Variants in SYNE1 observed in about 807,000 individuals in gnomAD.
SYNE1 encodes the protein spectrin repeat containing nuclear envelope protein 1.
In SYNE1, 616 loss-of-function variants were observed where a neutral mutation model predicts 1,111.0. That is an observed-to-expected ratio of 0.55 (90% confidence interval 0.52 to 0.59). The LOEUF (loss-of-function observed/expected upper bound fraction) is 0.59, where lower values mean the gene tolerates loss of function less well. SYNE1 is among the 20% of genes least tolerant of loss of function. SYNE1 has a pLI of 0.00. For missense variants in SYNE1, 10,006 were observed against 10,417.0 expected (o/e 0.96, Z 1.72); for synonymous variants, 3,855 against 3,825.8 (o/e 1.01, Z -0.28).
At chr6:152,296,742 G>A (rs748462611) in intron 93 of SYNE1, among the ~76,000 whole-genome samples, 5 of 152,310 alleles carry the variant, frequency 3.3e-5, no homozygotes, top group South Asian at 4.1e-4. Flanking sequence ...ATTCACATTC[G>A]TAGCTTGTTT....
chr6:152,182,467 G>C (rs567759854), intron 128 of SYNE1, among the ~76,000 whole-genome samples: 8 of 152,210 alleles, frequency 5.3e-5, no homozygotes, highest in African/African-American at 1.9e-4. Flanking sequence ...TGAAGGAATT[G>C]GATGGTAAGC....
chr6:152,154,048 A>C (rs2060910067), intron 133 of SYNE1, among the ~76,000 whole-genome samples: 1 of 152,202 alleles, frequency 6.6e-6, no homozygotes, highest in Non-Finnish European at 1.5e-5. Context: ...CATAATTAGC[A>C]ATGGTCAGAA....
chr6:152,432,671 G>A (rs189808646), intron 34 of SYNE1, among the ~76,000 whole-genome samples: 35 of 152,148 alleles, frequency 2.3e-4, no homozygotes, highest in Admixed American at 6.6e-4. Flanking sequence ...AAATAAATAC[G>A]TTGAAAAATG....
At chr6:152,465,117 G>C in intron 18 of SYNE1, 141 bp downstream of exon 18, 1 of 909,552 alleles carries the variant, frequency 1.1e-6, no homozygotes, top group African/African-American at 1.6e-5. Flanking sequence ...TTGCTAACCT[G>C]AAAGTGCAAC....
intron 106 of SYNE1, among the ~76,000 whole-genome samples, chr6:152,244,005 T>C (rs1436282932): frequency 1.3e-5 from 2 of 152,350 alleles, no homozygotes; most frequent in African/African-American, 4.8e-5. Context: ...TGTTTAGATT[T>C]CAACTACCTT....
chr6:152,532,211 C>G (rs1247048473), intron 4 of SYNE1, among the ~76,000 whole-genome samples: 1 of 152,174 alleles, frequency 6.6e-6, no homozygotes, highest in Non-Finnish European at 1.5e-5. Context: ...TGACCAATAT[C>G]ATGCAGCTAT....
chr6:152,161,593 T>C (rs113098406), intron 131 of SYNE1, among the ~76,000 whole-genome samples: 7,032 of 152,204 alleles, frequency 0.046, 255 homozygotes, highest in Non-Finnish European at 0.068. Context: ...TACAATGTGT[T>C]TCCTCTGATT....
chr6:152,318,083 G>C lies in SYNE1; in HGVS notation c.16570C>G (p.Gln5524Glu). The change falls in exon 86 of 146, where the codon CAG becomes GAG. Residue 5524 changes from glutamine to glutamate, a missense_variant and splice_region_variant. By Grantham distance (29) the Gln-to-Glu change is conservative. Around this residue, in one of 7 missense-constraint regions of SYNE1, gnomAD observed 4,955 missense variants for 5,017.2 expected, o/e 0.99. Transcript: ENST00000367255. ...QAENRLSKLN[Q>E]AASHLEEYNE... ...GATTTCTGGCCCGGAACACATACCT[G>C]ATTGAGCTTGGAGAGCCGATTCTCA... 6.2e-7 allele frequency: 1 copy of C among 1,614,196 alleles called. No individual in the cohort carries two copies. Among genetic ancestry groups the C allele is most frequent in the Non-Finnish European group, 8.5e-7 (1 of 1,180,042 alleles).
chr6:152,558,508 T>C (rs1378274307), intron 3 of SYNE1, among the ~76,000 whole-genome samples: 1 of 152,182 alleles, frequency 6.6e-6, no homozygotes, highest in Non-Finnish European at 1.5e-5. Flanking sequence ...AGAAATTCCA[T>C]GTAAATGGTA....
At chr6:152,380,375 A>G (rs1004342003) in intron 56 of SYNE1, among the ~76,000 whole-genome samples, 6 of 150,886 alleles carry the variant, frequency 4.0e-5, no homozygotes, top group Non-Finnish European at 5.9e-5. Context: ...AAGAGGTTAC[A>G]CTCTTGCTCA....
chr6:152,529,450 A>G (rs1305625677), intron 4 of SYNE1, among the ~76,000 whole-genome samples: 1 of 152,196 alleles, frequency 6.6e-6, no homozygotes, highest in Admixed American at 6.5e-5. Flanking sequence ...TGACCTAGGG[A>G]CTAGTGTCAT....
intron 6 of SYNE1, among the ~76,000 whole-genome samples, chr6:152,516,986 A>T (rs2449116): frequency 0.54 from 82,488 of 152,048 alleles, 22,716 homozygotes; most frequent in East Asian, 0.75. Context: ...TCAATAAGAA[A>T]GAGATTAGTG....
rs1390672218 is a variant in SYNE1 at position 152,333,998 on chromosome 6, T to C, written c.12794+10A>G. On this transcript the variant is annotated intron_variant, in intron 77 of 145. Coordinates refer to ENST00000367255, the MANE Select transcript of SYNE1 (RefSeq NM_182961.4). ...AGCATTTTGGTGACCCATGGGAGAA[T>C]TTCTGTTACCTGGCCAAGTTATCCC... The C allele has an allele frequency of 1.9e-6, 3 of 1,613,998 alleles. No homozygotes were observed. Among genetic ancestry groups the C allele is most frequent in the South Asian group, 2.2e-5 (2 of 91,082 alleles).
intron 123 of SYNE1, among the ~76,000 whole-genome samples, chr6:152,213,206 C>G (rs928195749): frequency 6.6e-6 from 1 of 152,132 alleles, no homozygotes; most frequent in African/African-American, 2.4e-5. Context: ...CTTTGAAGAT[C>G]ACAAAATTTT....
At chr6:152,464,204 G>C (rs979313618) in intron 18 of SYNE1, among the ~76,000 whole-genome samples, 4 of 152,098 alleles carry the variant, frequency 2.6e-5, no homozygotes, top group Non-Finnish European at 5.9e-5. Context: ...CAATGAAACA[G>C]TTTCCAACTC....
chr6:152,596,214 A>AT (rs1365601554), intron 3 of SYNE1, among the ~76,000 whole-genome samples: 46 of 142,326 alleles, frequency 3.2e-4, no homozygotes, highest in African/African-American at 1.2e-3. Flanking sequence ...ATTATGAGGT[A>AT]TTTTTTGACC....
intron 32 of SYNE1, among the ~76,000 whole-genome samples, chr6:152,436,488 A>G (rs2154215649): frequency 6.6e-6 from 1 of 152,046 alleles, no homozygotes; most frequent in South Asian, 2.1e-4. Flanking sequence ...TTTTGTACAG[A>G]TGAGGTCTCA....
intron 63 of SYNE1, among the ~76,000 whole-genome samples, chr6:152,364,633 G>T (rs1381663737): frequency 1.3e-5 from 2 of 150,152 alleles, no homozygotes; most frequent in African/African-American, 2.5e-5. Flanking sequence ...GAAAACAGGG[G>T]GAAGGAAGGA....
chr6:152,596,114 A>AG (rs1565076629), intron 3 of SYNE1, among the ~76,000 whole-genome samples: 2 of 147,918 alleles, frequency 1.4e-5, no homozygotes, highest in African/African-American at 5.0e-5. Context: ...AAAAAAAAAA[A>AG]AAAAAAAAAA....
Sources: gnomAD v4.1 joint callset for allele counts (sites outside exome capture counted in the v4.1 genomes callset) on GRCh38, gnomAD v4.1.1 for gene constraint, gnomAD v4.1.1 regional missense constraint, MANE v1.5 for transcripts, NCBI Gene and HGNC (gene_info 2026-07-23, HGNC 2026-07-21) for gene names.